ART3: variants seen among roughly 807,000 people sequenced by gnomAD.
ART3 encodes the protein ecto-ADP-ribosyltransferase 3.
A neutral mutation model predicts 48.5 loss-of-function variants in ART3; 49 were observed. The observed-to-expected ratio is 1.01, with a 90% confidence interval of 0.80 to 1.28. ART3 has a LOEUF of 1.28. Ranked by LOEUF, ART3 falls within the 50% of genes most tolerant of loss-of-function variation. The probability of loss-of-function intolerance (pLI) is 0.00; values close to 1 mark genes in which losing one functional copy is unlikely to be tolerated. For missense variants in ART3, 438 were observed against 454.3 expected (o/e 0.96, Z 0.33); for synonymous variants, 145 against 157.2 (o/e 0.92, Z 0.58).
intron 1 of ART3, among the ~76,000 whole-genome samples, chr4:76,065,846 C>A (rs537901407): frequency 3.7e-4 from 56 of 151,802 alleles, no homozygotes; most frequent in African/African-American, 1.2e-3. Context: ...TTTGAAAATA[C>A]TAAATAGATA....
At chr4:76,096,672 C>T (rs1726086979) in intron 3 of ART3, among the ~76,000 whole-genome samples, 1 of 152,192 alleles carries the variant, frequency 6.6e-6, no homozygotes, top group Non-Finnish European at 1.5e-5. Flanking sequence ...ATTCCCCTTT[C>T]TGTCAAGTCT....
At chr4:76,103,815 T>G in intron 8 of ART3, 122 bp from the exon 9 acceptor site, 1 of 897,666 alleles carries the variant, frequency 1.1e-6, no homozygotes, top group Non-Finnish European at 1.7e-6. Context: ...TGTTTCTTTT[T>G]TCTTTCCCCC....
intron 1 of ART3, among the ~76,000 whole-genome samples, chr4:76,032,935 C>G (rs1734010414): frequency 6.6e-6 from 1 of 151,672 alleles, no homozygotes; most frequent in Non-Finnish European, 1.5e-5. Context: ...AGTCCCATCT[C>G]TATATAGATA....
At chr4:76,054,543 A>G (rs886488839) in intron 1 of ART3, among the ~76,000 whole-genome samples, 1 of 152,234 alleles carries the variant, frequency 6.6e-6, no homozygotes, top group African/African-American at 2.4e-5. Context: ...TACTTTTAAA[A>G]TATTTAGGCT....
chr4:76,024,199 A>G (rs1733152287), intron 1 of ART3, among the ~76,000 whole-genome samples: 1 of 152,160 alleles, frequency 6.6e-6, no homozygotes, highest in Non-Finnish European at 1.5e-5. Flanking sequence ...AAAACATCAT[A>G]AGATGGTATC....
rs1727889664 is a variant in ART3, at chr4:76,103,933, T to C, written c.938-4T>C. On this transcript the variant is annotated splice_region_variant and splice_polypyrimidine_tract_variant and intron_variant, in intron 8 of 11. Transcript: ENST00000355810. ...TACAAACCAATATTTATTTCTGCCTTTAGGTGTGAAAATCCTTGAACCCAC... is the reference window on the plus strand; with the variant it reads ...TACAAACCAATATTTATTTCTGCCTCTAGGTGTGAAAATCCTTGAACCCAC... 6.2e-7 allele frequency: 1 copy of C among 1,612,884 alleles called. No homozygotes were observed.
intron 1 of ART3, among the ~76,000 whole-genome samples, chr4:76,042,859 G>A (rs1735105595): frequency 6.6e-6 from 1 of 152,148 alleles, no homozygotes; most frequent in African/African-American, 2.4e-5. Context: ...GCTGGCTCGG[G>A]CAGCCTGCTT....
intron 1 of ART3, among the ~76,000 whole-genome samples, chr4:76,031,117 A>G (rs1457137558): frequency 6.6e-6 from 1 of 152,174 alleles, no homozygotes; most frequent in African/African-American, 2.4e-5. Context: ...ATGTACATTG[A>G]TAATAACGTT....
At chr4:76,011,191 A>C (rs546222952), upstream of ART3, 1 of 152,444 alleles carries the variant, frequency 6.6e-6, no homozygotes, top group African/African-American at 2.4e-5. Flanking sequence ...GTCTTCCAGA[A>C]CCTTCTTCAG....
At chr4:76,021,859 A>G in intron 1 of ART3, 2 of 1,379,400 alleles carry the variant, frequency 1.4e-6, no homozygotes, top group Admixed American at 1.7e-5. Flanking sequence ...CATGTAGGGA[A>G]GTGATGGGAG....
intron 3 of ART3, 142 bp from the exon 4 acceptor site, chr4:76,097,502 C>A: frequency 1.5e-6 from 1 of 665,832 alleles, no homozygotes; most frequent in Non-Finnish European, 2.6e-6. Flanking sequence ...CCACCATGCC[C>A]AGCCTGCAAT....
intron 1 of ART3, among the ~76,000 whole-genome samples, chr4:76,044,329 G>A (rs1384872552): frequency 6.6e-6 from 1 of 152,052 alleles, no homozygotes; most frequent in Admixed American, 6.5e-5. Flanking sequence ...CCCTAAGAAG[G>A]TGCAGAGTCC....
chr4:76,037,216 C>A (rs1734508930), intron 1 of ART3, among the ~76,000 whole-genome samples: 2 of 150,866 alleles, frequency 1.3e-5, no homozygotes, highest in African/African-American at 4.9e-5. Context: ...CTCTGAGATT[C>A]TACTTTGATG....
chr4:76,052,715 C>CTTTTTT (rs1560599800), intron 1 of ART3, among the ~76,000 whole-genome samples: 1 of 117,014 alleles, frequency 8.5e-6, no homozygotes, highest in Non-Finnish European at 1.7e-5. Context: ...TTCTTTTTTC[C>CTTTTTT]TTCTTTTTTT....
At chr4:76,080,066 T>C (rs1303400888) in intron 2 of ART3, among the ~76,000 whole-genome samples, 1 of 152,196 alleles carries the variant, frequency 6.6e-6, no homozygotes, top group Non-Finnish European at 1.5e-5. Context: ...AGCAGACTTA[T>C]GCAACTATGC....
At chr4:76,081,777 C>A in intron 2 of ART3, 47 bp from the exon 3 acceptor site, 1 of 1,538,910 alleles carries the variant, frequency 6.5e-7, no homozygotes, top group Non-Finnish European at 8.8e-7. Flanking sequence ...AAATGATATT[C>A]ACTGAATTTC....
At chr4:76,040,479 C>CACACAT (rs1160410234) in intron 1 of ART3, among the ~76,000 whole-genome samples, 9 of 149,748 alleles carry the variant, frequency 6.0e-5, no homozygotes, top group African/African-American at 2.2e-4. Context: ...CACACACACA[C>CACACAT]ATTTCGCCTA....
At chr4:76,093,713 G>A (rs73826311) in intron 3 of ART3, among the ~76,000 whole-genome samples, 2,630 of 152,258 alleles carry the variant, frequency 0.017, 87 homozygotes, top group African/African-American at 0.06. Flanking sequence ...GCATACCACA[G>A]TATGTCAAGT....
intron 1 of ART3, among the ~76,000 whole-genome samples, chr4:76,039,247 G>A (rs1035264973): frequency 3.3e-5 from 5 of 152,100 alleles, no homozygotes; most frequent in Admixed American, 1.3e-4. Flanking sequence ...TTACAGGCAT[G>A]TGTTACCACG....
Sources: gnomAD v4.1 joint callset for allele counts (sites outside exome capture counted in the v4.1 genomes callset) on GRCh38, gnomAD v4.1.1 for gene constraint, MANE v1.5 for transcripts, NCBI Gene and HGNC (gene_info 2026-07-23, HGNC 2026-07-21) for gene names.